The following ARMC8 variants were observed in gnomAD, a reference collection of about 807,000 sequenced individuals.
ARMC8 encodes the protein armadillo repeat containing 8.
In ARMC8, 20 loss-of-function variants were observed where a neutral mutation model predicts 99.3. The observed-to-expected ratio is 0.20, with a 90% CI of 0.14 to 0.29. The LOEUF is 0.29. Among genes scored for constraint, ARMC8 ranks in the 10% least tolerant of loss-of-function variants. ARMC8 has a pLI of 1.00. For synonymous variants in ARMC8, 263 were observed against 278.3 expected, an observed-to-expected ratio of 0.95 and a Z score of 0.55; for missense variants, 569 against 809.5, an observed-to-expected ratio of 0.70 and a Z score of 3.60.
intron 18 of ARMC8, among the ~76,000 whole-genome samples, chr3:138,281,270 G>T (rs924764948): frequency 6.6e-6 from 1 of 151,476 alleles, no homozygotes; most frequent in Non-Finnish European, 1.5e-5. Context: ...CATATTCAAT[G>T]AGTTGGCCCA....
intron 7 of ARMC8, among the ~76,000 whole-genome samples, chr3:138,235,862 G>C (rs921158973): frequency 6.8e-6 from 1 of 147,554 alleles, no homozygotes; most frequent in African/African-American, 2.5e-5. Context: ...CTGGAGTGCG[G>C]TTGCACGATC....
intron 19 of ARMC8, among the ~76,000 whole-genome samples, chr3:138,285,159 A>G (rs966260968): frequency 1.3e-5 from 2 of 152,162 alleles, no homozygotes; most frequent in African/African-American, 4.8e-5. Context: ...AGCTCCTCCT[A>G]GTGTCCTTCA....
At chr3:138,238,756 C>T (rs995065561) in intron 9 of ARMC8, 3 of 152,188 alleles carry the variant, frequency 2.0e-5, no homozygotes, top group East Asian at 1.9e-4. Context: ...TTATAACTTT[C>T]GGTAGAAGCC....
Position 138,255,978 on chromosome 3 carries a change from G to T in ARMC8, c.1135-7761G>T, listed in dbSNP as rs551020489. On this transcript the variant is annotated intron_variant, in intron 12 of 21. Transcript: ENST00000469044. Reference sequence around the variant, plus strand: ...GAGACTCCATCTCAAAAAAAGAAAGGAAAAGAAGAAGAAGAAAGAAACAAA... The same window carrying T: ...GAGACTCCATCTCAAAAAAAGAAAGTAAAAGAAGAAGAAGAAAGAAACAAA... Among the ~76,000 whole-genome samples the T allele has an allele frequency of 2.0e-5, 3 of 152,226 alleles. No homozygotes were observed. The East Asian group carries it at 5.8e-4, about 29-fold the overall frequency.
chr3:138,201,720 A>G (rs1466555321), intron 1 of ARMC8, among the ~76,000 whole-genome samples: 1 of 151,862 alleles, frequency 6.6e-6, no homozygotes, highest in Non-Finnish European at 1.5e-5. Context: ...CGGTCTCCCA[A>G]AGTGCTGGGA....
intron 7 of ARMC8, among the ~76,000 whole-genome samples, chr3:138,235,823 T>TG (rs962961121): frequency 2.2e-4 from 33 of 148,288 alleles, no homozygotes; most frequent in Non-Finnish European, 1.8e-4. Flanking sequence ...TTTTTTTTTT[T>TG]GAGACAGAGT....
intron 12 of ARMC8, 151 bp from the exon 13 acceptor site, chr3:138,263,588 G>T: frequency 4.3e-6 from 3 of 698,242 alleles, no homozygotes; most frequent in Non-Finnish European, 5.1e-6. Context: ...TGAGCTGCCC[G>T]CCCCCAGCGC....
At chr3:138,198,842 CAAATTTGA>C (rs914789647) in intron 1 of ARMC8, among the ~76,000 whole-genome samples, 20 of 151,586 alleles carry the variant, frequency 1.3e-4, no homozygotes, top group South Asian at 4.1e-4. Flanking sequence ...GTTTTTTTTT[CAAATTTGA>C]TAAGCACTGA....
intron 6 of ARMC8, 124 bp downstream of exon 6, chr3:138,229,134 G>GTATATATATATATATATATATATA (rs71146119): frequency 1.3e-5 from 1 of 78,604 alleles, no homozygotes; most frequent in African/African-American, 7.0e-5. Flanking sequence ...GTGTGTGCGT[G>GTATATATATATATATATATATATA]TATATATATA....
chr3:138,195,195 G>A (rs1485943702), intron 1 of ARMC8, among the ~76,000 whole-genome samples: 4 of 151,498 alleles, frequency 2.6e-5, no homozygotes, highest in South Asian at 4.2e-4. Context: ...GGAGAATGGC[G>A]TGAACCCGGG....
At chr3:138,244,382 A>G (rs999509855) in intron 11 of ARMC8, among the ~76,000 whole-genome samples, 5 of 152,026 alleles carry the variant, frequency 3.3e-5, no homozygotes, top group Admixed American at 2.0e-4. Flanking sequence ...GGTTCACACC[A>G]TTCTCCCGCC....
At chr3:138,190,216 A>G (rs1168768755) in intron 1 of ARMC8, among the ~76,000 whole-genome samples, 1 of 149,970 alleles carries the variant, frequency 6.7e-6, no homozygotes, top group Non-Finnish European at 1.5e-5. Flanking sequence ...TCTTGATTGA[A>G]TTTGTTTTGC....
intron 2 of ARMC8, among the ~76,000 whole-genome samples, chr3:138,219,347 A>C (rs2108066726): frequency 6.6e-6 from 1 of 152,348 alleles, no homozygotes; most frequent in East Asian, 1.9e-4. Flanking sequence ...TTTCCAGGTC[A>C]GATTGGCTTT....
Position 138,187,566 on chromosome 3 carries a change from G to A in ARMC8, c.12G>A (p.Leu4=), listed in dbSNP as rs954810098. 25 of 1,535,780 alleles carry A rather than the reference G, an allele frequency of 1.6e-5. No individual in the cohort carries two copies. The highest frequency in any genetic ancestry group is 1.7e-4 in the Middle Eastern group (1 of 6,010). The change falls in exon 1 of 22, where the codon TTG becomes TTA. Residue 4 remains leucine (L), a synonymous_variant. Coordinates refer to ENST00000469044, the MANE Select transcript of ARMC8 (RefSeq NM_001363941.2). MAC[L]LETPIRMSVL... ...TGGGAAGGCTCAAGATGGCGTGCTT[G>A]TTGGAGACCCCAATCCGCATGAGCG...
At chr3:138,248,996 A>G (rs998341130) in intron 12 of ARMC8, among the ~76,000 whole-genome samples, 1 of 152,232 alleles carries the variant, frequency 6.6e-6, no homozygotes, top group Non-Finnish European at 1.5e-5. Context: ...TCGAGGAACT[A>G]GAATGTAAGC....
chr3:138,187,695 C>A, intron 1 of ARMC8, 96 bp downstream of exon 1: 1 of 1,345,612 alleles, frequency 7.4e-7, no homozygotes, highest in Non-Finnish European at 1.0e-6. Context: ...TGGGCACCAC[C>A]CCCTGGGGTG....
intron 1 of ARMC8, 159 bp downstream of exon 1, chr3:138,187,758 A>T: frequency 1.3e-6 from 1 of 774,258 alleles, no homozygotes; most frequent in Non-Finnish European, 2.0e-6. Context: ...GAGGCGGGAT[A>T]GACGGGCAGA....
intron 5 of ARMC8, among the ~76,000 whole-genome samples, chr3:138,224,706 C>T (rs966822627): frequency 3.9e-5 from 6 of 152,188 alleles, no homozygotes; most frequent in African/African-American, 1.2e-4. Context: ...TCTGAGATCA[C>T]ACCACCCTAC....
chr3:138,263,439 T>C (rs1051347594), intron 12 of ARMC8: 1 of 305,472 alleles, frequency 3.3e-6, no homozygotes, highest in Non-Finnish European at 6.2e-6. Flanking sequence ...TTTCTCAAGA[T>C]TATTTACATA....
Sources: allele counts gnomAD v4.1 joint callset (sites outside exome capture counted in the v4.1 genomes callset), GRCh38; gene constraint gnomAD v4.1.1; transcripts MANE v1.5; gene names NCBI Gene and HGNC (gene_info 2026-07-23, HGNC 2026-07-21).